COL24A1: variants seen among roughly 807,000 people sequenced by gnomAD.
The protein encoded by COL24A1 is collagen alpha-1(XXIV) chain.
In COL24A1, 224 loss-of-function variants were observed where a neutral mutation model predicts 253.9. The ratio of observed to expected loss-of-function variants is 0.88; its 90% CI spans 0.79 to 0.99. COL24A1 has a LOEUF of 0.99. Ranked by LOEUF, COL24A1 falls within the 50% of genes least tolerant of loss-of-function variation. The pLI, the probability that COL24A1 is intolerant of heterozygous loss-of-function variation, is 0.00. For synonymous variants in COL24A1, 685 were observed against 673.7 expected (o/e 1.02, Z -0.26); for missense variants, 2,131 against 2,068.5 (o/e 1.03, Z -0.59).
intron 28 of COL24A1, among the ~76,000 whole-genome samples, chr1:85,902,216 T>C (rs1029836593): frequency 3.9e-5 from 6 of 152,186 alleles, no homozygotes; most frequent in Non-Finnish European, 7.3e-5. Flanking sequence ...ATCTGTCTCC[T>C]TCTGCATGCA....
chr1:86,098,391 C>T (rs970111513), intron 5 of COL24A1, among the ~76,000 whole-genome samples: 2 of 118,500 alleles, frequency 1.7e-5, no homozygotes, highest in African/African-American at 3.0e-5. Flanking sequence ...AAAGGAGCTT[C>T]CCCCAAATGC....
chr1:85,820,036 C>T (rs769638935), intron 45 of COL24A1, among the ~76,000 whole-genome samples: 78 of 151,984 alleles, frequency 5.1e-4, no homozygotes, highest in Admixed American at 1.2e-3. Context: ...TTAGTAGAGA[C>T]GGAGTTTCAC....
chr1:86,031,950 A>G, intron 13 of COL24A1, 28 bp from the exon 14 acceptor site: 1 of 1,571,980 alleles, frequency 6.4e-7, no homozygotes, highest in African/African-American at 1.4e-5. Flanking sequence ...TGCAATACTT[A>G]TTAAATTTGA....
chr1:86,155,725 G>T (rs1406563980), intron 1 of COL24A1: 1 of 152,408 alleles, frequency 6.6e-6, no homozygotes, highest in East Asian at 1.9e-4. Context: ...GCCTCGGCTC[G>T]GATGGGCAAC....
chr1:85,885,545 C>T (rs1296569688), intron 32 of COL24A1, among the ~76,000 whole-genome samples: 1 of 151,646 alleles, frequency 6.6e-6, no homozygotes, highest in Non-Finnish European at 1.5e-5. Context: ...CTATTGTCAA[C>T]CTAAATGACA....
intron 3 of COL24A1, among the ~76,000 whole-genome samples, chr1:86,119,608 C>A (rs553393350): frequency 4.6e-5 from 7 of 152,156 alleles, no homozygotes; most frequent in Admixed American, 6.5e-5. Context: ...ACGACACATG[C>A]CTCTGGGTAG....
intron 53 of COL24A1, among the ~76,000 whole-genome samples, chr1:85,771,527 G>A (rs765260005): frequency 2.0e-5 from 3 of 152,068 alleles, no homozygotes; most frequent in Non-Finnish European, 2.9e-5. Flanking sequence ...TTGGTTCCCA[G>A]TATTTGCTAT....
At chr1:85,869,910 A>G (rs1280847067) in intron 35 of COL24A1, among the ~76,000 whole-genome samples, 1 of 152,222 alleles carries the variant, frequency 6.6e-6, no homozygotes, top group Non-Finnish European at 1.5e-5. Flanking sequence ...GGCAAACTGG[A>G]TAAAGAGTCA....
At chr1:85,842,290 T>C (rs1478748305) in intron 40 of COL24A1, 50 bp downstream of exon 40, 3 of 1,414,658 alleles carry the variant, frequency 2.1e-6, no homozygotes, top group Non-Finnish European at 2.9e-6. Context: ...ATATCATCTT[T>C]AATAAAAATG....
At chr1:85,831,540 T>G (rs2102121461) in intron 43 of COL24A1, among the ~76,000 whole-genome samples, 1 of 152,248 alleles carries the variant, frequency 6.6e-6, no homozygotes, top group East Asian at 1.9e-4. Flanking sequence ...ACCATTTTTC[T>G]GTATTGGTAA....
At chr1:86,048,635 C>T (rs760733378) in intron 11 of COL24A1, among the ~76,000 whole-genome samples, 27 of 152,132 alleles carry the variant, frequency 1.8e-4, no homozygotes, top group African/African-American at 4.6e-4. Flanking sequence ...GGACTACAGG[C>T]GCCCACCACC....
chr1:85,742,174 C>T (rs1459601672), intron 57 of COL24A1, among the ~76,000 whole-genome samples: 3 of 145,318 alleles, frequency 2.1e-5, no homozygotes, highest in Non-Finnish European at 4.5e-5. Context: ...CACTCTGTGG[C>T]CAGGCTGGAG....
intron 2 of COL24A1, among the ~76,000 whole-genome samples, chr1:86,134,485 T>C (rs923323446): frequency 5.5e-5 from 8 of 144,558 alleles, no homozygotes; most frequent in Non-Finnish European, 9.2e-5. Flanking sequence ...TGTGGGCATT[T>C]AGTGCTATAA....
chr1:85,894,457 G>A (rs1345886258), intron 31 of COL24A1, among the ~76,000 whole-genome samples: 1 of 152,024 alleles, frequency 6.6e-6, no homozygotes, highest in Non-Finnish European at 1.5e-5. Context: ...TCTAGGGAAG[G>A]TCAACAATGA....
At chr1:86,041,381 T>C in intron 12 of COL24A1, among the ~76,000 whole-genome samples, 1 of 152,170 alleles carries the variant, frequency 6.6e-6, no homozygotes, top group East Asian at 1.9e-4. Context: ...TCATGTTTAT[T>C]TTCAATCCTG....
chr1:86,060,212 C>A (rs1401979090), intron 8 of COL24A1, among the ~76,000 whole-genome samples: 1 of 152,032 alleles, frequency 6.6e-6, no homozygotes, highest in African/African-American at 2.4e-5. Context: ...GACTCTTTTT[C>A]ATTGATACAT....
chr1:85,935,387 T>C lies in COL24A1; in HGVS notation c.2563-23954A>G, dbSNP rs1688173965. On this transcript the variant is annotated intron_variant, in intron 24 of 59. Transcript: ENST00000370571. ...ATAGTGTTTCTTCAGACCTTTTCATTGGAGGGTAATACTATGACTTGACAA... is the reference window on the plus strand; with the variant it reads ...ATAGTGTTTCTTCAGACCTTTTCATCGGAGGGTAATACTATGACTTGACAA... 1.4e-5 allele frequency among the ~76,000 whole-genome samples: 2 copies of C among 147,598 alleles called. 1 individual carries two copies. The highest frequency in any genetic ancestry group is 4.9e-4 in the South Asian group (2 of 4,114).
intron 43 of COL24A1, among the ~76,000 whole-genome samples, chr1:85,835,134 T>C (rs1434119870): frequency 6.6e-6 from 1 of 152,042 alleles, no homozygotes; most frequent in Non-Finnish European, 1.5e-5. Flanking sequence ...TATATATATA[T>C]TTTTTAGATG....
intron 28 of COL24A1, among the ~76,000 whole-genome samples, chr1:85,904,443 G>A (rs1684612146): frequency 6.6e-6 from 1 of 152,068 alleles, no homozygotes. Context: ...TGACCCAAGA[G>A]GCTAAACCAC....
Sources: gnomAD v4.1 joint callset for allele counts (sites outside exome capture counted in the v4.1 genomes callset) on GRCh38, gnomAD v4.1.1 for gene constraint, MANE v1.5 for transcripts, NCBI Gene and HGNC (gene_info 2026-07-23, HGNC 2026-07-21) for gene names.